RET: variants seen among roughly 807,000 people sequenced by gnomAD.
RET encodes ret proto-oncogene.
In RET, 19 loss-of-function variants were observed where a neutral mutation model predicts 118.3. The observed-to-expected ratio is 0.16, with a 90% confidence interval of 0.11 to 0.24. The LOEUF is 0.24. RET is among the 10% of genes least tolerant of loss of function. The pLI is 1.00. For synonymous variants in RET, 597 were observed against 644.1 expected (o/e 0.93, Z 1.11); for missense variants, 1,219 against 1,502.1 (o/e 0.81, Z 3.12).
At chr10:43,087,200 C>T (rs966355411) in intron 1 of RET, among the ~76,000 whole-genome samples, 7 of 152,198 alleles carry the variant, frequency 4.6e-5, no homozygotes, top group African/African-American at 1.7e-4. Context: ...ATCGTGGTGC[C>T]TCCCAGGCCA....
intron 1 of RET, among the ~76,000 whole-genome samples, chr10:43,077,769 G>C (rs1358534374): frequency 6.6e-6 from 1 of 152,248 alleles, no homozygotes; most frequent in Non-Finnish European, 1.5e-5. Flanking sequence ...GCTCCGTCCT[G>C]GTTTCCTTTT....
intron 1 of RET, among the ~76,000 whole-genome samples, chr10:43,092,946 C>G (rs889023018): frequency 6.6e-6 from 1 of 152,228 alleles, no homozygotes; most frequent in Admixed American, 6.5e-5. Context: ...TACTCCCTTC[C>G]CCTTCCCAAA....
chr10:43,096,783 T>G (rs1168510715), intron 1 of RET, among the ~76,000 whole-genome samples: 1 of 152,232 alleles, frequency 6.6e-6, no homozygotes, highest in Non-Finnish European at 1.5e-5. Context: ...ATTTCAAGAC[T>G]GTAGCAAAGA....
intron 15 of RET, among the ~76,000 whole-genome samples, chr10:43,121,603 T>C (rs570979027): frequency 3.1e-4 from 47 of 152,342 alleles, no homozygotes; most frequent in African/African-American, 1.0e-3. Flanking sequence ...CCCAAACACA[T>C]TGGCCCTCAG....
intron 1 of RET, among the ~76,000 whole-genome samples, chr10:43,095,743 C>T (rs1419563351): frequency 6.6e-6 from 1 of 152,194 alleles, no homozygotes; most frequent in Non-Finnish European, 1.5e-5. Context: ...TGCGTGCATA[C>T]ATATACACAC....
At position 43,092,930 on chromosome 10, in the gene RET, T is replaced by C. The variant is rs752976; in HGVS notation, c.74-7529T>C. ...GAGACCATGTCACAGTATCTCCCCG[T>C]CCTCTTACTCCCTTCCCCTTCCCAA... On this transcript the variant is annotated intron_variant, in intron 1 of 19. Coordinates refer to ENST00000355710, the MANE Select transcript of RET (RefSeq NM_020975.6). Among the ~76,000 whole-genome samples the C allele has an allele frequency of 5.9e-3, 892 of 152,262 alleles. 37 individuals are homozygous for C. The highest frequency in any genetic ancestry group is 0.053 in the Admixed American group (806 of 15,286).
At chr10:43,111,570 G>C (rs1319667091) in intron 7 of RET, 105 bp downstream of exon 7, 2 of 1,321,810 alleles carry the variant, frequency 1.5e-6, no homozygotes, top group South Asian at 2.9e-5. Context: ...CTTAGCTGGG[G>C]AGTGGGGAAG....
intron 1 of RET, among the ~76,000 whole-genome samples, chr10:43,099,979 T>C (rs1165817288): frequency 1.3e-5 from 2 of 152,266 alleles, no homozygotes; most frequent in Admixed American, 6.5e-5. Context: ...TTTCCAACTA[T>C]GGCATTTGAT....
chr10:43,121,476 A>G (rs548319854), intron 15 of RET, among the ~76,000 whole-genome samples: 1 of 152,262 alleles, frequency 6.6e-6, no homozygotes, highest in East Asian at 1.9e-4. Flanking sequence ...CTGCAATACA[A>G]TAAGAGAGAA....
intron 15 of RET, among the ~76,000 whole-genome samples, chr10:43,120,617 C>T (rs1838193929): frequency 2.6e-5 from 4 of 152,374 alleles, no homozygotes; most frequent in African/African-American, 9.6e-5. Context: ...AACTGCTTTA[C>T]AAGTGAGGCT....
At position 43,116,477 on chromosome 10, in the gene RET, A is replaced by G. The variant is rs1200269534; in HGVS notation, c.2137-107A>G. On this transcript the variant is annotated intron_variant, in intron 11 of 19. Coordinates refer to ENST00000355710, the MANE Select transcript of RET (RefSeq NM_020975.6). ...TCAGATGACAGCCGGTTCTCTGCACATTGGAACTTGTCCATGGGGCCTCCT... is the reference window on the plus strand; with the variant it reads ...TCAGATGACAGCCGGTTCTCTGCACGTTGGAACTTGTCCATGGGGCCTCCT... The G allele has an allele frequency of 2.2e-6, 3 of 1,391,548 alleles. No homozygotes were observed. The East Asian group carries it at 6.9e-5, about 32-fold the overall frequency. The allele number at this position is 1,391,548 out of a possible 1,614,324, so 86.2% of individuals were successfully genotyped here.
intron 1 of RET, among the ~76,000 whole-genome samples, chr10:43,078,470 G>C (rs1304643801): frequency 6.6e-6 from 1 of 152,244 alleles, no homozygotes; most frequent in Non-Finnish European, 1.5e-5. Flanking sequence ...ATATGCTGAG[G>C]CCAGAGCGGG....
chr10:43,127,225 C>T, intron 19 of RET: 2 of 1,081,798 alleles, frequency 1.8e-6, no homozygotes, highest in Non-Finnish European at 2.2e-6. Flanking sequence ...CGAGCAGCCA[C>T]TGGCCAAGCC....
At chr10:43,125,070 G>C in intron 18 of RET, 88 bp downstream of exon 18, 1 of 1,210,444 alleles carries the variant, frequency 8.3e-7, no homozygotes. Flanking sequence ...AGCCCTCAGA[G>C]TTCCCAGTGT....
Position 43,100,610 on chromosome 10 carries a change from G to A in RET, c.225G>A (p.Thr75=), listed in dbSNP as rs151267865. 143 of 1,613,952 alleles carry A rather than the reference G, an allele frequency of 8.9e-5. No individual in the cohort carries two copies. In the African/African-American group the frequency reaches 1.3e-3, roughly 14 times the overall value. The change falls in exon 2 of 20, where the codon ACG becomes ACA. Residue 75 remains threonine, a synonymous_variant. Coordinates refer to ENST00000355710, the MANE Select transcript of RET (RefSeq NM_020975.6). ...SFRLGQHLYG[T]YRTRLHENNW... is the part of the protein sequence containing the mutation. ...GCCTGGGCCAGCATCTCTACGGCACGTACCGCACACGGCTGCATGAGAACA... is the reference window on the plus strand; with the variant it reads ...GCCTGGGCCAGCATCTCTACGGCACATACCGCACACGGCTGCATGAGAACA...
chr10:43,114,912 G>A lies in RET; in HGVS notation c.2136+176G>A, dbSNP rs1725764606. Among the ~76,000 whole-genome samples the A allele has an allele frequency of 1.3e-5, 2 of 152,162 alleles. No homozygotes were observed. The highest frequency in any genetic ancestry group is 2.4e-5 in the African/African-American group (1 of 41,436). The stretch of plus-strand genomic sequence containing the variant: ...GCTGTGTGGGGACAGTCTGTGGGGT[G>A]GGACTGTGATGAGGTGCCGTTCCCA... On this transcript the variant is annotated intron_variant, in intron 11 of 19. Coordinates refer to ENST00000355710, the MANE Select transcript of RET (RefSeq NM_020975.6). The surrounding 1 kb of genome is among the most constrained non-coding windows in gnomAD (Gnocchi z 4.6).
At chr10:43,113,299 C>T (rs1304478193) in intron 9 of RET, among the ~76,000 whole-genome samples, 1 of 152,184 alleles carries the variant, frequency 6.6e-6, no homozygotes, top group Non-Finnish European at 1.5e-5. Context: ...GGTCAGGCCA[C>T]CAGGCTCCAG....
Position 43,120,213 on chromosome 10 carries a change from C to A in RET, c.2730+10C>A, listed in dbSNP as rs2132965314. 1.9e-6 allele frequency: 3 copies of A among 1,612,206 alleles called. No homozygotes were observed. The highest frequency in any genetic ancestry group is 2.5e-6 in the Non-Finnish European group (3 of 1,179,878). ...CGTGAAGAGGAGCCAGGTGCCCAGT[C>A]CCGGGGATGAGGCGGGGCTCCCAGG... On this transcript the variant is annotated intron_variant, in intron 15 of 19. Transcript: ENST00000355710.
chr10:43,118,065 C>T (rs1399884540), intron 12 of RET, among the ~76,000 whole-genome samples: 10 of 152,162 alleles, frequency 6.6e-5, no homozygotes, highest in East Asian at 1.9e-4. Context: ...TTTCTGTGGA[C>T]GACTGTCTTC....
Sources: allele counts gnomAD v4.1 joint callset (sites outside exome capture counted in the v4.1 genomes callset), GRCh38; gene constraint gnomAD v4.1.1; non-coding constraint Gnocchi (gnomAD v3.1); transcripts MANE v1.5; gene names NCBI Gene and HGNC (gene_info 2026-07-23, HGNC 2026-07-21).